Variants in PFDN1 observed in about 807,000 individuals in gnomAD.
PFDN1 encodes the protein prefoldin 1.
A neutral mutation model predicts 17.3 loss-of-function variants in PFDN1; 6 were observed. That is an observed-to-expected ratio of 0.35 (90% CI 0.19 to 0.69). The LOEUF is 0.69. PFDN1 is among the 30% of genes least tolerant of loss of function. The pLI is 0.65. For missense variants in PFDN1, 113 were observed against 146.2 expected (o/e 0.77, Z 1.17); for synonymous variants, 58 against 50.1 (o/e 1.16, Z -0.67).
intron 2 of PFDN1, among the ~76,000 whole-genome samples, chr5:140,286,404 T>A (rs1765489405): frequency 1.4e-5 from 1 of 71,330 alleles, no homozygotes; most frequent in South Asian, 6.5e-4. Context: ...AGAGTGAGAC[T>A]CTGTCTCAAA....
intron 3 of PFDN1, among the ~76,000 whole-genome samples, chr5:140,260,890 A>AGTGGCTC (rs1211791738): frequency 1.3e-5 from 2 of 152,028 alleles, no homozygotes; most frequent in Non-Finnish European, 2.9e-5. Flanking sequence ...GGCCGGGCAC[A>AGTGGCTC]ATGGCTCATG....
chr5:140,292,124 GGTAA>G (rs964511175), intron 2 of PFDN1, among the ~76,000 whole-genome samples: 2 of 152,046 alleles, frequency 1.3e-5, no homozygotes, highest in Non-Finnish European at 1.5e-5. Context: ...TAAGTATTCT[GGTAA>G]GTAAGCACCT....
chr5:140,255,956 G>C (rs1480383291), intron 3 of PFDN1, among the ~76,000 whole-genome samples: 1 of 152,030 alleles, frequency 6.6e-6, no homozygotes, highest in Admixed American at 6.5e-5. Context: ...TAATGAATTG[G>C]CTGTGATTCA....
At chr5:140,267,685 C>A (rs1428039625) in intron 3 of PFDN1, among the ~76,000 whole-genome samples, 1 of 151,830 alleles carries the variant, frequency 6.6e-6, no homozygotes, top group Non-Finnish European at 1.5e-5. Flanking sequence ...CAATTCAGTC[C>A]GACAACGCCC....
intron 2 of PFDN1, among the ~76,000 whole-genome samples, chr5:140,294,514 A>T (rs1216004869): frequency 6.6e-6 from 1 of 152,058 alleles, no homozygotes; most frequent in African/African-American, 2.4e-5. Context: ...GGGAAGCTGC[A>T]TATATTTCAT....
chr5:140,251,987 A>G (rs1581080739), intron 3 of PFDN1, among the ~76,000 whole-genome samples: 1 of 147,190 alleles, frequency 6.8e-6, no homozygotes, highest in Middle Eastern at 3.7e-3. Flanking sequence ...TCTCTAAATT[A>G]GTTTTTTTTT....
At chr5:140,282,219 A>C (rs1211634430) in intron 2 of PFDN1, among the ~76,000 whole-genome samples, 1 of 151,320 alleles carries the variant, frequency 6.6e-6, no homozygotes, top group East Asian at 1.9e-4. Context: ...AAAAGAAAAG[A>C]AAATCAGGCT....
At chr5:140,284,747 G>A (rs1253203918) in intron 2 of PFDN1, among the ~76,000 whole-genome samples, 4 of 152,182 alleles carry the variant, frequency 2.6e-5, no homozygotes, top group African/African-American at 9.7e-5. Flanking sequence ...AAATACTCAG[G>A]ATTATATAAC....
intron 3 of PFDN1, among the ~76,000 whole-genome samples, chr5:140,280,017 A>AAAAAG (rs1463540470): frequency 1.6e-4 from 24 of 145,622 alleles, no homozygotes; most frequent in African/African-American, 4.8e-4. Flanking sequence ...AAAAAAACAA[A>AAAAAG]AAAAGAAAAG....
intron 2 of PFDN1, chr5:140,292,797 G>C (rs1270423145): frequency 6.6e-6 from 1 of 152,022 alleles, no homozygotes; most frequent in African/African-American, 2.4e-5. Flanking sequence ...TTTCATCAGA[G>C]TAAAGTATAT....
chr5:140,249,970 CA>C (rs1226524720), intron 3 of PFDN1, among the ~76,000 whole-genome samples: 6 of 152,230 alleles, frequency 3.9e-5, no homozygotes, highest in Admixed American at 2.0e-4. Flanking sequence ...TGAGACCTGC[CA>C]GGGGGCAAAG....
At chr5:140,267,861 A>C (rs1346406356) in intron 3 of PFDN1, among the ~76,000 whole-genome samples, 2 of 152,212 alleles carry the variant, frequency 1.3e-5, no homozygotes, top group Non-Finnish European at 2.9e-5. Flanking sequence ...ATAAAAACAG[A>C]CTATGTATAA....
chr5:140,264,831 C>G (rs1765114261), intron 3 of PFDN1, among the ~76,000 whole-genome samples: 1 of 151,986 alleles, frequency 6.6e-6, no homozygotes, highest in Admixed American at 6.6e-5. Flanking sequence ...GGTGACAAAG[C>G]AAAAGCTCAT....
chr5:140,286,430 G>T (rs1159580300), intron 2 of PFDN1, among the ~76,000 whole-genome samples: 2 of 119,294 alleles, frequency 1.7e-5, no homozygotes, highest in African/African-American at 3.2e-5. Flanking sequence ...AAAAAAAAAA[G>T]AAAAGAAAAA....
chr5:140,302,170 T>C (rs1350285900), intron 1 of PFDN1, among the ~76,000 whole-genome samples: 1 of 152,230 alleles, frequency 6.6e-6, no homozygotes, highest in Non-Finnish European at 1.5e-5. Flanking sequence ...AGGCAGAGAA[T>C]ACTGGATTCT....
intron 2 of PFDN1, among the ~76,000 whole-genome samples, chr5:140,298,489 A>G (rs1051785070): frequency 9.9e-5 from 15 of 151,996 alleles, no homozygotes; most frequent in African/African-American, 3.6e-4. Context: ...AAAAAAAAAA[A>G]TCAGTCTTCT....
In PFDN1 at chr5:140,246,062, A is replaced by AG; in HGVS notation, c.286-6_286-5insC. The stretch of plus-strand genomic sequence containing the variant: ...CTCCAGGTAGGACTTTTTCTGCTGC[A>AG]ATATGAGAGACAGACAAAGGTTAGG... On this transcript the variant is annotated splice_region_variant and splice_polypyrimidine_tract_variant and intron_variant, in intron 3 of 3. Transcript: ENST00000261813. 1 of 1,533,948 alleles carries AG rather than the reference A, an allele frequency of 6.5e-7. No homozygotes were observed.
intron 3 of PFDN1, among the ~76,000 whole-genome samples, chr5:140,266,419 CA>C (rs968205828): frequency 5.9e-5 from 9 of 152,164 alleles, no homozygotes; most frequent in Non-Finnish European, 1.0e-4. Flanking sequence ...GCTCAGATCC[CA>C]AAGCTATGGG....
chr5:140,276,780 CAAAAAAAA>C lies in PFDN1; in HGVS notation c.285+4661_285+4668del, dbSNP rs35889345. Among the ~76,000 whole-genome samples, 12 of 46,738 alleles carry C rather than the reference CAAAAAAAA, an allele frequency of 2.6e-4. 1 individual carries two copies. In the East Asian group the frequency reaches 5.4e-3, roughly 21 times the overall value. The allele number at this position is 46,738 out of a possible 152,430, so 30.7% of individuals were successfully genotyped here. A position where few individuals can be genotyped will look rare whatever the true frequency, so the allele number is the denominator to read the frequency against. On this transcript the variant is annotated intron_variant, in intron 3 of 3. Transcript: ENST00000261813. ...TGGGTGACAGAGTGAGACACCGTCT[CAAAAAAAA>C]AAAAAAAAAAAAAAAAAGACTGAGA...
Sources: gnomAD v4.1 joint callset for allele counts (sites outside exome capture counted in the v4.1 genomes callset) on GRCh38, gnomAD v4.1.1 for gene constraint, MANE v1.5 for transcripts, NCBI Gene and HGNC (gene_info 2026-07-23, HGNC 2026-07-21) for gene names.